Variants in AP4E1 observed in about 807,000 individuals in gnomAD.
AP4E1 encodes the protein AP-4 complex subunit epsilon-1.
AP4E1 carries 56 observed loss-of-function variants against 128.2 expected under a neutral mutation model. That is an observed-to-expected ratio of 0.44 (90% confidence interval 0.35 to 0.55). The LOEUF (loss-of-function observed/expected upper bound fraction) is 0.55. Among genes scored for constraint, AP4E1 ranks in the 20% least tolerant of loss-of-function variants. The pLI is 0.00. For missense variants in AP4E1, 1,324 were observed against 1,307.7 expected, an observed-to-expected ratio of 1.01 and a Z score of -0.19; for synonymous variants, 484 against 473.1, an observed-to-expected ratio of 1.02 and a Z score of -0.30.
At chr15:50,944,684 GA>G in intron 10 of AP4E1, 2 of 452,008 alleles carry the variant, frequency 4.4e-6, no homozygotes, top group East Asian at 7.7e-5. Context: ...TACTGAGCCA[GA>G]ATCTGGACAA....
chr15:50,976,915 A>T (rs2064560103), intron 15 of AP4E1, among the ~76,000 whole-genome samples: 3 of 152,242 alleles, frequency 2.0e-5, no homozygotes, highest in Admixed American at 2.0e-4. Context: ...CATGGATTGG[A>T]AAGTACATGT....
intron 14 of AP4E1, among the ~76,000 whole-genome samples, chr15:50,966,168 C>T (rs995263861): frequency 2.0e-5 from 3 of 152,192 alleles, no homozygotes; most frequent in African/African-American, 4.8e-5. Context: ...ATCCACCCAC[C>T]TTGGCCTCCC....
chr15:50,956,941 C>T (rs888801297), intron 13 of AP4E1, among the ~76,000 whole-genome samples: 12 of 152,126 alleles, frequency 7.9e-5, no homozygotes, highest in African/African-American at 2.7e-4. Context: ...TGCAGGTGAG[C>T]GGGTGCAGGA....
At position 50,997,423 on chromosome 15, in the gene AP4E1, G is replaced by A. The variant is rs1028161220; in HGVS notation, c.2444G>A (p.Cys815Tyr). 2 of 1,613,442 alleles carry A rather than the reference G, an allele frequency of 1.2e-6. No homozygotes were observed. Among genetic ancestry groups the A allele is most frequent in the Non-Finnish European group, 1.7e-6 (2 of 1,179,728 alleles). The change falls in exon 18 of 21, where the codon TGT (cysteine) becomes TAT (tyrosine). Residue 815 changes from cysteine to tyrosine, a missense_variant. Transcript: ENST00000261842. Reference sequence around the variant, plus strand: ...ACAACCAGTACTCATAATATGACCTGTTCTTCCTTTAGTTCTTTGTCAAAT... The same window carrying A: ...ACAACCAGTACTCATAATATGACCTATTCTTCCTTTAGTTCTTTGTCAAAT... ...GETTSTHNMT[C>Y]SSFSSLSNVA...
chr15:50,962,581 T>G (rs1260256821), intron 14 of AP4E1, among the ~76,000 whole-genome samples: 1 of 152,002 alleles, frequency 6.6e-6, no homozygotes, highest in Non-Finnish European at 1.5e-5. Flanking sequence ...TCCCTATCTC[T>G]CACCATATAA....
At chr15:50,954,042 CT>C (rs2064185164) in intron 13 of AP4E1, among the ~76,000 whole-genome samples, 1 of 152,134 alleles carries the variant, frequency 6.6e-6, no homozygotes, top group African/African-American at 2.4e-5. Flanking sequence ...AACCAATCCC[CT>C]TTAGATGCAG....
chr15:50,997,495 G>C lies in AP4E1; in HGVS notation c.2516G>C (p.Gly839Ala). The C allele has an allele frequency of 6.2e-7, 1 of 1,614,060 alleles. No individual in the cohort carries two copies. Among genetic ancestry groups the C allele is most frequent in the Non-Finnish European group, 8.5e-7 (1 of 1,179,976 alleles). Residue 839 changes from glycine (G) to alanine (A), a missense_variant, in exon 18 of 21, where the codon GGA (glycine) becomes GCA (alanine). Physicochemically the swap from Gly to Ala is moderately conservative, Grantham distance 60 (BLOSUM62 0). Transcript: ENST00000261842. ...TATTCGAATACTTTGCACGATACAG[G>C]AGACAAGGAATTAAAGAAATTTTCT... is the stretch of plus-strand genomic sequence containing the variant. Reference protein sequence around the residue: ...DYYSNTLHDTGDKELKKFSLT... With the variant: ...DYYSNTLHDTADKELKKFSLT...
chr15:50,932,771 T>C (rs1457643979), intron 7 of AP4E1, among the ~76,000 whole-genome samples: 1 of 152,228 alleles, frequency 6.6e-6, no homozygotes, highest in African/African-American at 2.4e-5. Context: ...ATTATAGTGT[T>C]ACTTTTTTCT....
chr15:50,974,266 ATTTTT>A (rs958466492), intron 15 of AP4E1, among the ~76,000 whole-genome samples: 1 of 112,578 alleles, frequency 8.9e-6, no homozygotes. Context: ...GTGCCCGGCC[ATTTTT>A]TTTTTTTTTT....
chr15:50,955,630 A>T (rs571850850), intron 13 of AP4E1, among the ~76,000 whole-genome samples: 2 of 151,646 alleles, frequency 1.3e-5, no homozygotes, highest in Non-Finnish European at 2.9e-5. Context: ...GAAAATCCTG[A>T]CTCCATCAGG....
At position 50,993,570 on chromosome 15, in the gene AP4E1, A is replaced by C; in HGVS notation, c.2291A>C (p.Gln764Pro). Residue 764 changes from glutamine to proline, a missense_variant, in exon 17 of 21, where the codon CAG becomes CCG. Physicochemically the swap from Gln to Pro is moderately conservative, Grantham distance 76. Coordinates refer to ENST00000261842, the MANE Select transcript of AP4E1 (RefSeq NM_007347.5). ...CAATCTAAAGAGGAGAAAGAAAAGC[A>C]GCTGCTGGCATCATCATTATTTGTT... ...LTQSKEEKEK[Q>P]LLASSLFVGL... The C allele has an allele frequency of 6.2e-7, 1 of 1,614,088 alleles. No individual in the cohort carries two copies. The highest frequency in any genetic ancestry group is 1.1e-5 in the South Asian group (1 of 91,084).
Position 50,950,115 on chromosome 15 carries a change from A to G in AP4E1, c.1494A>G (p.Leu498=). 1 of 1,613,496 alleles carries G rather than the reference A, an allele frequency of 6.2e-7. No individual in the cohort carries two copies. Among genetic ancestry groups the G allele is most frequent in the Non-Finnish European group, 8.5e-7 (1 of 1,179,706 alleles). ...RLYAVQSYLT[L]LDMENVFYPQ... ...ATGCAGTTCAGTCTTATCTCACTTT[A>G]CTGGATATGGAAAATGTGTTCTATC... The change falls in exon 13 of 21, where the codon TTA becomes TTG. Residue 498 remains leucine, a synonymous_variant. Coordinates refer to ENST00000261842, the MANE Select transcript of AP4E1 (RefSeq NM_007347.5).
intron 15 of AP4E1, among the ~76,000 whole-genome samples, chr15:50,968,853 G>A (rs1054422262): frequency 7.4e-5 from 11 of 148,330 alleles, no homozygotes; most frequent in Middle Eastern, 3.5e-3. Flanking sequence ...TTCAAACTTC[G>A]GCCTCAAGTG....
chr15:50,974,156 G>A (rs190527995), intron 15 of AP4E1, among the ~76,000 whole-genome samples: 1 of 152,266 alleles, frequency 6.6e-6, no homozygotes, highest in East Asian at 1.9e-4. Context: ...AGTAGAGACA[G>A]GGTTTTGCCA....
intron 17 of AP4E1, 111 bp from the exon 18 acceptor site, chr15:50,997,215 A>T: frequency 1.0e-6 from 1 of 987,544 alleles, no homozygotes; most frequent in East Asian, 2.7e-5. Context: ...TTCTTTATAG[A>T]TAGAACCTTA....
At chr15:50,961,054 A>T (rs1270016793) in intron 14 of AP4E1, among the ~76,000 whole-genome samples, 2 of 152,100 alleles carry the variant, frequency 1.3e-5, no homozygotes, top group African/African-American at 4.8e-5. Flanking sequence ...GGACACATCT[A>T]CCAAGATTGC....
At chr15:50,964,974 C>CACAG (rs1555459141) in intron 14 of AP4E1, among the ~76,000 whole-genome samples, 2 of 151,230 alleles carry the variant, frequency 1.3e-5, no homozygotes, top group African/African-American at 2.4e-5. Flanking sequence ...CACACACACA[C>CACAG]ACACACACAC....
At chr15:50,997,301 ATAT>A (rs773492199) in intron 17 of AP4E1, 22 bp from the exon 18 acceptor site, 1 of 1,549,380 alleles carries the variant, frequency 6.5e-7, no homozygotes. Context: ...ATTTCTTTTT[ATAT>A]TATTATGTTT....
At chr15:50,945,904 C>G in intron 10 of AP4E1, 1 of 1,164,224 alleles carries the variant, frequency 8.6e-7, no homozygotes, top group Non-Finnish European at 1.3e-6. Context: ...AGAAGCTCGT[C>G]GAAGAAAGGA....
Sources: gnomAD v4.1 joint callset for allele counts (sites outside exome capture counted in the v4.1 genomes callset) on GRCh38, gnomAD v4.1.1 for gene constraint, MANE v1.5 for transcripts, NCBI Gene and HGNC (gene_info 2026-07-23, HGNC 2026-07-21) for gene names.